WWP1: variants seen among roughly 807,000 people sequenced by gnomAD.
WWP1 encodes the protein WW domain containing E3 ubiquitin protein ligase 1.
In WWP1, 49 loss-of-function variants were observed where a neutral mutation model predicts 130.6. That is an observed-to-expected ratio of 0.38 (90% CI 0.30 to 0.48). The LOEUF (loss-of-function observed/expected upper bound fraction) is 0.48. Ranked by LOEUF, WWP1 falls within the 20% of genes least tolerant of loss-of-function variation. The pLI is 0.99. For synonymous variants in WWP1, 332 were observed against 367.8 expected (o/e 0.90, Z 1.11); for missense variants, 809 against 1,100.6 (o/e 0.74, Z 3.75).
intron 1 of WWP1, among the ~76,000 whole-genome samples, chr8:86,355,329 T>C (rs1255325200): frequency 6.6e-6 from 1 of 152,222 alleles, no homozygotes; most frequent in Non-Finnish European, 1.5e-5. Flanking sequence ...TAAGAAGCTC[T>C]GTGTTTCTGA....
At chr8:86,431,366 C>T in intron 12 of WWP1, 40 bp from the exon 13 acceptor site, 1 of 1,153,376 alleles carries the variant, frequency 8.7e-7, no homozygotes, top group Non-Finnish European at 1.2e-6. Flanking sequence ...TATATAGATC[C>T]TAAATAGTTA....
chr8:86,445,171 A>G (rs551192584), intron 18 of WWP1, among the ~76,000 whole-genome samples: 69 of 152,290 alleles, frequency 4.5e-4, no homozygotes, highest in Non-Finnish European at 4.3e-4. Flanking sequence ...TATTAGTTGC[A>G]GGTCAAAATT....
Position 86,425,242 on chromosome 8 carries a change from C to T in WWP1, c.1081C>T (p.Pro361Ser). ...TTAAAGGTGGGAACAAAGAAAAGAT[C>T]CTCATGGTAGAACCTATTATGTGGA... ...LPSGWEQRKD[P>S]HGRTYYVDHN... Residue 361 changes from proline to serine, a missense_variant, in exon 10 of 25, where the codon CCT becomes TCT. By Grantham distance (74) the Pro-to-Ser change is moderately conservative (BLOSUM62 -1). Around this residue, in one of 3 missense-constraint regions of WWP1, gnomAD observed 97 missense variants for 80.4 expected, o/e 1.21. Transcript: ENST00000517970. 1 of 1,610,790 alleles carries T rather than the reference C, an allele frequency of 6.2e-7. No individual in the cohort carries two copies. The highest frequency in any genetic ancestry group is 8.5e-7 in the Non-Finnish European group (1 of 1,178,842).
chr8:86,424,749 G>A (rs1809502697), intron 9 of WWP1, among the ~76,000 whole-genome samples: 2 of 150,266 alleles, frequency 1.3e-5, no homozygotes, highest in South Asian at 4.3e-4. Context: ...AGCCGAGATG[G>A]CAGCGGTACA....
chr8:86,364,415 T>C, intron 1 of WWP1, among the ~76,000 whole-genome samples: 1 of 152,216 alleles, frequency 6.6e-6, no homozygotes, highest in Non-Finnish European at 1.5e-5. Flanking sequence ...ATATGTATGG[T>C]GCATTTTAAT....
At chr8:86,373,009 C>G (rs1365244269) in intron 2 of WWP1, among the ~76,000 whole-genome samples, 1 of 150,920 alleles carries the variant, frequency 6.6e-6, no homozygotes, top group Non-Finnish European at 1.5e-5. Context: ...AAATTTGCCT[C>G]TAAGTATAAC....
At chr8:86,395,152 C>G (rs2130464780) in intron 5 of WWP1, among the ~76,000 whole-genome samples, 1 of 152,164 alleles carries the variant, frequency 6.6e-6, no homozygotes, top group Middle Eastern at 3.4e-3. Flanking sequence ...CATCAAACCA[C>G]TGGTAAAAAT....
chr8:86,435,847 C>CTTTGT (rs967562300), intron 16 of WWP1, 143 bp downstream of exon 16: 8 of 763,346 alleles, frequency 1.0e-5, no homozygotes, highest in East Asian at 5.4e-5. Context: ...TGTTGAGTGC[C>CTTTGT]TTTGTTTTGT....
chr8:86,342,973 G>C, intron 1 of WWP1, 43 bp downstream of exon 1: 1 of 291,246 alleles, frequency 3.4e-6, no homozygotes, highest in Non-Finnish European at 6.4e-6. Context: ...GAATGGGCAG[G>C]GCGGGAGGGG....
intron 1 of WWP1, among the ~76,000 whole-genome samples, chr8:86,363,162 G>C (rs1156301508): frequency 6.6e-6 from 1 of 152,134 alleles, no homozygotes; most frequent in African/African-American, 2.4e-5. Context: ...AACTTCTGCT[G>C]GGTAGTGGCA....
chr8:86,400,247 G>A (rs6993497), intron 7 of WWP1, among the ~76,000 whole-genome samples: 21 of 151,822 alleles, frequency 1.4e-4, no homozygotes, highest in Admixed American at 1.4e-3. Context: ...CAGGAGAATT[G>A]CTTGAACCCG....
intron 14 of WWP1, among the ~76,000 whole-genome samples, chr8:86,434,048 A>G (rs1191427908): frequency 1.3e-5 from 2 of 151,986 alleles, no homozygotes; most frequent in Non-Finnish European, 2.9e-5. Context: ...CACCACCCCC[A>G]TTGCCACCAT....
At chr8:86,359,776 G>T (rs372347078) in intron 1 of WWP1, among the ~76,000 whole-genome samples, 2 of 152,118 alleles carry the variant, frequency 1.3e-5, no homozygotes, top group East Asian at 3.9e-4. Flanking sequence ...CTCGGCGGGC[G>T]CAGTGGCTCA....
At position 86,411,533 on chromosome 8, in the gene WWP1, CT is replaced by C; in HGVS notation, c.725-4del. 1 of 1,603,256 alleles carries C rather than the reference CT, an allele frequency of 6.2e-7. No homozygotes were observed. Among genetic ancestry groups the C allele is most frequent in the Non-Finnish European group, 8.5e-7 (1 of 1,173,278 alleles). On this transcript the variant is annotated splice_polypyrimidine_tract_variant and splice_region_variant and intron_variant, in intron 8 of 24. Transcript: ENST00000517970. The stretch of plus-strand genomic sequence containing the variant: ...TAGATGATTTTATTAATTTTCCCTT[CT>C]CAGTTAATGGAGAATCATCCTCATT...
chr8:86,386,114 C>T (rs1266636499), intron 5 of WWP1, among the ~76,000 whole-genome samples: 1 of 152,170 alleles, frequency 6.6e-6, no homozygotes, highest in African/African-American at 2.4e-5. Context: ...CTGTGTTCAG[C>T]TAGTCTTCTC....
chr8:86,440,464 A>G (rs1194254976), intron 17 of WWP1, among the ~76,000 whole-genome samples: 3 of 152,126 alleles, frequency 2.0e-5, no homozygotes, highest in South Asian at 2.1e-4. Flanking sequence ...TGTTTTTCCA[A>G]TACTCAGACA....
At chr8:86,456,906 A>G (rs1356717894) in intron 21 of WWP1, among the ~76,000 whole-genome samples, 1 of 151,996 alleles carries the variant, frequency 6.6e-6, no homozygotes, top group Non-Finnish European at 1.5e-5. Context: ...TATATATGAC[A>G]TTCTTAAAAG....
At chr8:86,439,637 A>C (rs1160357573) in intron 17 of WWP1, among the ~76,000 whole-genome samples, 5 of 152,190 alleles carry the variant, frequency 3.3e-5, no homozygotes, top group African/African-American at 1.2e-4. Context: ...TTTTTAGTCC[A>C]ATCTGAGTCT....
rs978560419 is a variant in WWP1, at chr8:86,452,820, G to A, written c.2394+141G>A. ...CTCTCATTTGTCCTGATGTCAAGGTGGTATTTATTCTAGCATTGGGTAAGA... is the reference window on the plus strand; with the variant it reads ...CTCTCATTTGTCCTGATGTCAAGGTAGTATTTATTCTAGCATTGGGTAAGA... On this transcript the variant is annotated intron_variant, in intron 21 of 24. Coordinates refer to ENST00000517970, the MANE Select transcript of WWP1 (RefSeq NM_007013.4). 3.4e-5 allele frequency: 37 copies of A among 1,086,188 alleles called. No homozygotes were observed. The South Asian group carries it at 5.5e-4, about 16-fold the overall frequency. 67.3% of individuals were successfully genotyped at this position (1,086,188 alleles called of 1,614,324 possible).
Sources: gnomAD v4.1 joint callset for allele counts (sites outside exome capture counted in the v4.1 genomes callset) on GRCh38, gnomAD v4.1.1 for gene constraint, gnomAD v4.1.1 regional missense constraint, MANE v1.5 for transcripts, NCBI Gene and HGNC (gene_info 2026-07-23, HGNC 2026-07-21) for gene names.